TDP1: variants seen among roughly 807,000 people sequenced by gnomAD.
TDP1 encodes tyrosyl-DNA phosphodiesterase 1.
In TDP1, 64 loss-of-function variants were observed where a neutral mutation model predicts 81.5. The ratio of observed to expected loss-of-function variants is 0.79; its 90% CI spans 0.64 to 0.97. The LOEUF (loss-of-function observed/expected upper bound fraction) is 0.97. Ranked by LOEUF, TDP1 falls within the 50% of genes least tolerant of loss-of-function variation. The pLI is 0.00. For synonymous variants in TDP1, 256 were observed against 264.3 expected (o/e 0.97, Z 0.30); for missense variants, 723 against 743.8 (o/e 0.97, Z 0.33).
intron 16 of TDP1, among the ~76,000 whole-genome samples, chr14:90,034,221 A>T (rs1406470366): frequency 6.6e-6 from 1 of 152,224 alleles, no homozygotes; most frequent in African/African-American, 2.4e-5. Flanking sequence ...TTGTGATATC[A>T]CATCGCATAG....
intron 16 of TDP1, among the ~76,000 whole-genome samples, chr14:90,038,768 G>T (rs1888068435): frequency 6.6e-6 from 1 of 152,104 alleles, no homozygotes; most frequent in Non-Finnish European, 1.5e-5. Context: ...AACCTGGGAG[G>T]TGGAGGTTGC....
chr14:90,033,056 T>A (rs756636921), intron 15 of TDP1, 50 bp from the exon 16 acceptor site: 38 of 1,312,070 alleles, frequency 2.9e-5, no homozygotes, highest in Non-Finnish European at 3.7e-5. Flanking sequence ...TTTTTTTTTT[T>A]AAACCCAGAA....
At chr14:89,985,239 T>G in intron 10 of TDP1, 29 bp downstream of exon 10, 1 of 1,304,528 alleles carries the variant, frequency 7.7e-7, no homozygotes, top group Non-Finnish European at 1.1e-6. Flanking sequence ...TTTTAACATT[T>G]TTAAAAAATT....
intron 5 of TDP1, among the ~76,000 whole-genome samples, chr14:89,969,879 T>TA (rs1394968890): frequency 2.1e-5 from 3 of 145,532 alleles, no homozygotes; most frequent in Non-Finnish European, 3.0e-5. Context: ...CTTATTTCTT[T>TA]TTTTTTTTTT....
At chr14:90,003,308 AC>A (rs1897345489) in intron 14 of TDP1, among the ~76,000 whole-genome samples, 1 of 152,252 alleles carries the variant, frequency 6.6e-6, no homozygotes, top group African/African-American at 2.4e-5. Flanking sequence ...CCAGATTTAT[AC>A]ATTCAGAGAA....
intron 16 of TDP1, among the ~76,000 whole-genome samples, chr14:90,036,653 A>G (rs1026386350): frequency 6.6e-6 from 1 of 152,144 alleles, no homozygotes; most frequent in African/African-American, 2.4e-5. Flanking sequence ...TTGAGAGCCT[A>G]TTGTGTGCAG....
At chr14:90,020,695 C>T (rs1885972809) in intron 15 of TDP1, among the ~76,000 whole-genome samples, 1 of 134,022 alleles carries the variant, frequency 7.5e-6, no homozygotes, top group Non-Finnish European at 1.6e-5. Flanking sequence ...TTATGACAAA[C>T]ACACATGACA....
chr14:90,027,958 T>A (rs1886850956), intron 15 of TDP1, among the ~76,000 whole-genome samples: 1 of 152,174 alleles, frequency 6.6e-6, no homozygotes, highest in Non-Finnish European at 1.5e-5. Context: ...GGGCTGATAC[T>A]CCATGGGTTT....
intron 2 of TDP1, chr14:89,962,889 G>GA: frequency 1.0e-6 from 1 of 983,896 alleles, no homozygotes; most frequent in Non-Finnish European, 1.2e-6. Context: ...AAAAAAGGAA[G>GA]AAAAAAGAAA....
At chr14:90,043,037 A>G (rs771761459) in intron 16 of TDP1, 33 bp from the exon 17 acceptor site, 8 of 1,614,018 alleles carry the variant, frequency 5.0e-6, no homozygotes, top group African/African-American at 1.3e-5. Context: ...CATCCTATTC[A>G]AATAAATATT....
chr14:89,965,825 G>GT lies in TDP1; in HGVS notation c.560-321dup, dbSNP rs969813833. ...GGACTTGAATGGGTACTTGGAGGAG[G>GT]TAGAAGTTCAGAGATCTGAAAAGAA... On this transcript the variant is annotated intron_variant, in intron 3 of 16. Coordinates refer to ENST00000335725, the MANE Select transcript of TDP1 (RefSeq NM_018319.4). 8 of 984,796 alleles carry GT rather than the reference G, an allele frequency of 8.1e-6. No individual in the cohort carries two copies. In the African/African-American group the frequency reaches 1.4e-4, roughly 17 times the overall value. The allele number at this position is 984,796 out of a possible 1,614,324, so 61.0% of individuals were successfully genotyped here.
At chr14:89,957,818 ATTCTC>A (rs1046258426) in intron 2 of TDP1, among the ~76,000 whole-genome samples, 15 of 152,328 alleles carry the variant, frequency 9.8e-5, no homozygotes, top group African/African-American at 2.6e-4. Flanking sequence ...AGTTTGCTTT[ATTCTC>A]TTAACACATG....
chr14:89,962,911 C>T, intron 2 of TDP1, 197 bp from the exon 3 acceptor site: 2 of 985,070 alleles, frequency 2.0e-6, no homozygotes, highest in Non-Finnish European at 2.4e-6. Context: ...GTGACCAGGA[C>T]TTTTGCTTGT....
intron 5 of TDP1, 33 bp from the exon 6 acceptor site, chr14:89,971,142 G>A (rs753742410): frequency 2.1e-5 from 33 of 1,577,698 alleles, no homozygotes; most frequent in Non-Finnish European, 2.8e-5. Context: ...GGCCATGAAT[G>A]ATGTATATTA....
At chr14:89,998,420 A>ATATGTGTATG (rs1896886806) in intron 14 of TDP1, among the ~76,000 whole-genome samples, 2 of 79,302 alleles carry the variant, frequency 2.5e-5, no homozygotes, top group African/African-American at 1.3e-4. Flanking sequence ...ATATATATAT[A>ATATGTGTATG]TATGTATGTA....
chr14:89,963,729 C>T, intron 3 of TDP1, 56 bp downstream of exon 3: 1 of 1,591,222 alleles, frequency 6.3e-7, no homozygotes, highest in Non-Finnish European at 8.6e-7. Flanking sequence ...AGTCTCTCCT[C>T]CGTGAAACAA....
At chr14:90,009,196 C>G (rs1392525254) in intron 14 of TDP1, among the ~76,000 whole-genome samples, 2 of 152,194 alleles carry the variant, frequency 1.3e-5, no homozygotes, top group Non-Finnish European at 2.9e-5. Flanking sequence ...CTTGAGTGGA[C>G]AAACCTCTGT....
intron 14 of TDP1, among the ~76,000 whole-genome samples, chr14:89,997,782 A>G (rs2140154970): frequency 6.6e-6 from 1 of 152,318 alleles, no homozygotes; most frequent in African/African-American, 2.4e-5. Context: ...TCTCCATTAC[A>G]TAATTTTTCT....
At chr14:90,037,304 A>G (rs1010904147) in intron 16 of TDP1, among the ~76,000 whole-genome samples, 3 of 152,192 alleles carry the variant, frequency 2.0e-5, no homozygotes, top group African/African-American at 4.8e-5. Context: ...GTTATCTTAT[A>G]TGCTATCTAG....
Sources: gnomAD v4.1 joint callset for allele counts (sites outside exome capture counted in the v4.1 genomes callset) on GRCh38, gnomAD v4.1.1 for gene constraint, MANE v1.5 for transcripts, NCBI Gene and HGNC (gene_info 2026-07-23, HGNC 2026-07-21) for gene names.